TMEM217: variants seen among roughly 807,000 people sequenced by gnomAD.
The protein encoded by TMEM217 is transmembrane protein 217, also known as chromosome 6 open reading frame 128.
For missense variants in TMEM217, 204 were observed against 248.8 expected (o/e 0.82, Z 1.21); for synonymous variants, 76 against 88.3 (o/e 0.86, Z 0.78).
downstream of TMEM217, among the ~76,000 whole-genome samples, chr6:37,215,460 G>A (rs1458655527): frequency 6.6e-6 from 1 of 150,846 alleles, no homozygotes; most frequent in Non-Finnish European, 1.5e-5. Context: ...CAACTACCTG[G>A]GAGGCTGAGG....
At chr6:37,226,790 ACCTCATG>A (rs60002091) in intron 1 of TMEM217, among the ~76,000 whole-genome samples, 150,947 of 152,150 alleles carry the variant, frequency 0.99, 74,885 homozygotes, top group Middle Eastern at 1. Context: ...CGAACTTCTG[ACCTCATG>A]CCTCATGATC....
At chr6:37,239,955 TA>T (rs1764682435) in intron 1 of TMEM217, among the ~76,000 whole-genome samples, 1 of 151,970 alleles carries the variant, frequency 6.6e-6, no homozygotes, top group African/African-American at 2.4e-5. Context: ...AATAGTAGTT[TA>T]AACAACTAGA....
At chr6:37,221,638 G>A (rs1175636075) in intron 1 of TMEM217, among the ~76,000 whole-genome samples, 7 of 152,164 alleles carry the variant, frequency 4.6e-5, no homozygotes, top group Non-Finnish European at 5.9e-5. Context: ...TGAAGAAACA[G>A]GAAACCATAG....
intron 1 of TMEM217, among the ~76,000 whole-genome samples, chr6:37,254,295 A>G (rs2113938747): frequency 6.6e-6 from 1 of 152,252 alleles, no homozygotes; most frequent in South Asian, 2.1e-4. Flanking sequence ...GCCAAGAAGG[A>G]CCTCCATCAG....
At chr6:37,249,391 C>T (rs978402492) in intron 1 of TMEM217, among the ~76,000 whole-genome samples, 1 of 152,122 alleles carries the variant, frequency 6.6e-6, no homozygotes, top group Non-Finnish European at 1.5e-5. Flanking sequence ...GCAATCTTGG[C>T]TCACTGCAAC....
chr6:37,226,356 T>G (rs1338763165), intron 1 of TMEM217, among the ~76,000 whole-genome samples: 3 of 136,676 alleles, frequency 2.2e-5, no homozygotes, highest in East Asian at 2.4e-4. Context: ...GCAGTGGCGC[T>G]ATCTTGGCTC....
At chr6:37,216,032 T>TGTGA (rs1159463220), downstream of TMEM217, among the ~76,000 whole-genome samples, 1,536 of 138,550 alleles carry the variant, frequency 0.011, 66 homozygotes, top group African/African-American at 0.038. Flanking sequence ...TGTGTGTGTG[T>TGTGA]GAGAAACAGA....
chr6:37,253,073 C>G (rs892863730), intron 1 of TMEM217, among the ~76,000 whole-genome samples: 2 of 152,066 alleles, frequency 1.3e-5, no homozygotes, highest in African/African-American at 4.8e-5. Context: ...TTGACAAAAC[C>G]CATATATTCT....
intron 1 of TMEM217, among the ~76,000 whole-genome samples, chr6:37,240,493 TGAGA>T (rs149590438): frequency 2.7e-5 from 4 of 149,748 alleles, no homozygotes; most frequent in Admixed American, 2.0e-4. Context: ...GAGTAAGTGA[TGAGA>T]GAGAGAGAGA....
chr6:37,236,396 A>G (rs1188793011), intron 1 of TMEM217, among the ~76,000 whole-genome samples: 9 of 152,126 alleles, frequency 5.9e-5, no homozygotes, highest in Admixed American at 6.5e-5. Context: ...TTAGAGTATG[A>G]GCATGTGTAT....
chr6:37,258,077 G>T, exon 1 of TMEM217: 1 of 1,331,674 alleles, frequency 7.5e-7, no homozygotes, highest in East Asian at 2.7e-5. Context: ...CAGAAGACTG[G>T]TTTGGGGAAG....
At chr6:37,219,328 C>T (rs1157434829) in intron 1 of TMEM217, among the ~76,000 whole-genome samples, 1 of 152,186 alleles carries the variant, frequency 6.6e-6, no homozygotes, top group Non-Finnish European at 1.5e-5. Context: ...CAGGCCCCAC[C>T]ACAGACCAAT....
intron 1 of TMEM217, among the ~76,000 whole-genome samples, chr6:37,225,556 G>T (rs989252648): frequency 6.6e-6 from 1 of 152,160 alleles, no homozygotes; most frequent in Non-Finnish European, 1.5e-5. Context: ...ATACTGTGGC[G>T]TAATTGGCCT....
downstream of TMEM217, among the ~76,000 whole-genome samples, chr6:37,217,132 A>T (rs1327584445): frequency 6.6e-6 from 1 of 152,216 alleles, no homozygotes; most frequent in Non-Finnish European, 1.5e-5. Context: ...CGTCTCTACT[A>T]AAAATACAAA....
At chr6:37,231,849 A>G (rs1764223036) in intron 1 of TMEM217, among the ~76,000 whole-genome samples, 1 of 149,640 alleles carries the variant, frequency 6.7e-6, no homozygotes, top group Non-Finnish European at 1.5e-5. Context: ...TTTTCTTCCC[A>G]CTTTCAGACC....
At chr6:37,227,753 T>A (rs910407045) in intron 1 of TMEM217, among the ~76,000 whole-genome samples, 1 of 151,838 alleles carries the variant, frequency 6.6e-6, no homozygotes, top group South Asian at 2.1e-4. Context: ...TCAGCCTAAA[T>A]GTTTATTATT....
At chr6:37,225,773 C>T (rs564828481) in intron 1 of TMEM217, among the ~76,000 whole-genome samples, 1 of 152,330 alleles carries the variant, frequency 6.6e-6, no homozygotes, top group African/African-American at 2.4e-5. Context: ...TTCCCAGCTT[C>T]CCTTGCTGAT....
At chr6:37,227,068 A>G (rs1373960311) in intron 1 of TMEM217, among the ~76,000 whole-genome samples, 3 of 152,250 alleles carry the variant, frequency 2.0e-5, no homozygotes, top group Non-Finnish European at 4.4e-5. Context: ...CAGCAAAATT[A>G]GGATTTGAAC....
intron 1 of TMEM217, among the ~76,000 whole-genome samples, chr6:37,220,628 C>T (rs1763453762): frequency 2.0e-5 from 3 of 151,906 alleles, no homozygotes; most frequent in Admixed American, 2.0e-4. Flanking sequence ...TAAAGTCGTC[C>T]TAAACTGAAA....
Sources: gnomAD v4.1 joint callset for allele counts (sites outside exome capture counted in the v4.1 genomes callset) on GRCh38, gnomAD v4.1.1 for gene constraint, MANE v1.5 for transcripts, NCBI Gene and HGNC (gene_info 2026-07-23, HGNC 2026-07-21) for gene names.